USP24: variants seen among roughly 807,000 people sequenced by gnomAD.
The protein encoded by USP24 is ubiquitin specific peptidase 24.
Under a neutral mutation model 361.6 loss-of-function variants are expected in USP24, and 97 were observed. The ratio of observed to expected loss-of-function variants is 0.27; its 90% CI spans 0.23 to 0.32. The LOEUF is 0.32. Ranked by LOEUF, USP24 falls within the 10% of genes least tolerant of loss-of-function variation. USP24 has a pLI of 1.00. For missense variants in USP24, 2,353 were observed against 3,165.6 expected, an observed-to-expected ratio of 0.74 and a Z score of 6.16; for synonymous variants, 1,098 against 1,124.6, an observed-to-expected ratio of 0.98 and a Z score of 0.47.
intron 39 of USP24, 55 bp downstream of exon 39, chr1:55,110,130 T>C: frequency 2.2e-6 from 3 of 1,386,890 alleles, no homozygotes; most frequent in Non-Finnish European, 2.9e-6. Context: ...TCCGTGTGAC[T>C]TTCTCTTCTA....
rs766065386 is a variant in USP24 at position 55,123,559 on chromosome 1, C to G, written c.4164G>C (p.Leu1388=). 7 of 1,600,576 alleles carry G rather than the reference C, an allele frequency of 4.4e-6. No individual in the cohort carries two copies. Among genetic ancestry groups the G allele is most frequent in the Non-Finnish European group, 5.1e-6 (6 of 1,173,486 alleles). Reference sequence around the variant, plus strand: ...GTTGTCGAACACAGATTCCCGCATGCAGGGCTACTGGTTCTCCTTCACTTC... The same window carrying G: ...GTTGTCGAACACAGATTCCCGCATGGAGGGCTACTGGTTCTCCTTCACTTC... The part of the protein sequence containing the change: ...SSGSEGEPVA[L]HAGICVRQQS... The change falls in exon 36 of 68, where the codon CTG becomes CTC. Residue 1388 remains leucine (L), a synonymous_variant. Transcript: ENST00000294383.
At chr1:55,190,618 A>G (rs1644261807) in intron 1 of USP24, among the ~76,000 whole-genome samples, 1 of 152,232 alleles carries the variant, frequency 6.6e-6, no homozygotes, top group Non-Finnish European at 1.5e-5. Context: ...AAAAGTAACC[A>G]TTAATGGTCA....
intron 31 of USP24, among the ~76,000 whole-genome samples, chr1:55,130,814 TA>T (rs1646570366): frequency 6.6e-6 from 1 of 152,158 alleles, no homozygotes; most frequent in South Asian, 2.1e-4. Context: ...AGCAGGTAAA[TA>T]AAAGTTAATG....
At chr1:55,083,226 A>G (rs1277521307) in intron 58 of USP24, 46 bp downstream of exon 58, 1 of 1,580,404 alleles carries the variant, frequency 6.3e-7, no homozygotes, top group Admixed American at 1.7e-5. Context: ...CACAGCGGCT[A>G]TGAAAACCAT....
At chr1:55,160,886 CT>C (rs1436329673) in intron 8 of USP24, among the ~76,000 whole-genome samples, 1 of 152,150 alleles carries the variant, frequency 6.6e-6, no homozygotes, top group East Asian at 1.9e-4. Flanking sequence ...AGTCCAATCA[CT>C]TTGCCTCTTT....
chr1:55,130,569 T>G (rs552194309), intron 31 of USP24, among the ~76,000 whole-genome samples: 1 of 152,332 alleles, frequency 6.6e-6, no homozygotes, highest in African/African-American at 2.4e-5. Context: ...TAATGTGGGA[T>G]TTTGTTAAAG....
rs773555597 is a variant in USP24 at position 55,092,028 on chromosome 1, T to C, written c.6549A>G (p.Lys2183=). Residue 2183 remains lysine (K), a synonymous_variant, in exon 54 of 68, where the codon AAA becomes AAG. Coordinates refer to ENST00000294383, the MANE Select transcript of USP24 (RefSeq NM_015306.3). ...CAAAACATATCACTTCTCACCTGAG[T>C]TTCTTCTTTGTCCGTAGATAAGTTT... The part of the protein sequence containing the change: ...LFQTYLRTKK[K]LRVDTEEWIA... 1.2e-6 allele frequency: 2 copies of C among 1,607,572 alleles called. No individual in the cohort carries two copies. Among genetic ancestry groups the C allele is most frequent in the East Asian group, 2.2e-5 (1 of 44,702 alleles).
rs566192441 is a variant in USP24 at position 55,084,822 on chromosome 1, T to G, written c.6766-934A>C. 3.0e-3 allele frequency among the ~76,000 whole-genome samples: 460 copies of G among 152,294 alleles called. 5 individuals carry two copies. The highest frequency in any genetic ancestry group is 0.01 in the African/African-American group (421 of 41,572). On this transcript the variant is annotated intron_variant, in intron 56 of 67. Transcript: ENST00000294383. ...TCCAAGTGTATGGCCGCCATTCCCTTCTCTTTCTGCCGCCTGCTGTCCTGC... is the reference window on the plus strand; with the variant it reads ...TCCAAGTGTATGGCCGCCATTCCCTGCTCTTTCTGCCGCCTGCTGTCCTGC...
intron 1 of USP24, among the ~76,000 whole-genome samples, chr1:55,200,708 T>C (rs943608909): frequency 3.3e-5 from 5 of 152,240 alleles, no homozygotes; most frequent in African/African-American, 9.6e-5. Flanking sequence ...TTAATTATAC[T>C]GTGACATGTT....
At chr1:55,089,531 A>C in intron 55 of USP24, 96 bp downstream of exon 55, 1 of 815,182 alleles carries the variant, frequency 1.2e-6, no homozygotes, top group Non-Finnish European at 1.9e-6. Flanking sequence ...CAGAACAATA[A>C]TTTCAAGTTG....
chr1:55,171,984 A>G (rs1241779498), intron 4 of USP24, among the ~76,000 whole-genome samples: 1 of 152,136 alleles, frequency 6.6e-6, no homozygotes, highest in African/African-American at 2.4e-5. Context: ...TGAGGAACAG[A>G]GGCACTGAGG....
At chr1:55,196,783 A>C (rs1306243018) in intron 1 of USP24, among the ~76,000 whole-genome samples, 1 of 152,184 alleles carries the variant, frequency 6.6e-6, no homozygotes, top group Non-Finnish European at 1.5e-5. Flanking sequence ...ATTCTGACAA[A>C]AAGTTATCGT....
chr1:55,113,820 A>T (rs1646025579), intron 38 of USP24, among the ~76,000 whole-genome samples: 1 of 152,242 alleles, frequency 6.6e-6, no homozygotes, highest in Admixed American at 6.5e-5. Context: ...AATGGGCAAA[A>T]GCTGGAAGCA....
Position 55,069,097 on chromosome 1 carries a change from G to T in USP24, c.7811C>A (p.Ser2604Tyr). Reference sequence around the variant, plus strand: ...TCTCAACTCACCAATCATCATGGGAGATTCTGAACCCTGCAGAAAAGAAAA... The same window carrying T: ...TCTCAACTCACCAATCATCATGGGATATTCTGAACCCTGCAGAAAAGAAAA... ...GDRHLQQGSE[S>Y]PMMIGELRSD... The change falls in exon 68 of 68, where the codon TCT (serine) becomes TAT (tyrosine). Residue 2604 changes from serine to tyrosine, a missense_variant. Ser to Tyr is a moderately radical substitution (Grantham distance 144). This residue lies in a region of USP24 where 53 missense variants were observed against 57.7 expected (regional missense o/e 0.92). Coordinates refer to ENST00000294383, the MANE Select transcript of USP24 (RefSeq NM_015306.3). 6.2e-7 allele frequency: 1 copy of T among 1,613,988 alleles called. No homozygotes were observed. Among genetic ancestry groups the T allele is most frequent in the Non-Finnish European group, 8.5e-7 (1 of 1,179,892 alleles).
chr1:55,209,682 A>C (rs2100953268), intron 1 of USP24, among the ~76,000 whole-genome samples: 1 of 152,338 alleles, frequency 6.6e-6, no homozygotes, highest in Non-Finnish European at 1.5e-5. Flanking sequence ...TAGTGCACTT[A>C]GAGCGCTTAG....
At position 55,214,991 on chromosome 1, in the gene USP24, G is replaced by T; in HGVS notation, c.123C>A (p.Leu41=). 6.9e-7 allele frequency: 1 copy of T among 1,457,374 alleles called. No homozygotes were observed. Among genetic ancestry groups the T allele is most frequent in the Admixed American group, 2.3e-5 (1 of 42,988 alleles). The allele number at this position is 1,457,374 out of a possible 1,614,324, so 90.3% of individuals were successfully genotyped here. The change falls in exon 1 of 68, where the codon CTC becomes CTA. Residue 41 remains leucine (L), a synonymous_variant. Transcript: ENST00000294383. ...AGTCGAGGCCCGGCCGCTCGTTGGT[G>T]AGCAGTGCCACGGCCTCGTTAATGT... ...KNDINEAVAL[L]TNERPGLDYG... is the part of the protein sequence containing the mutation.
chr1:55,212,443 C>T (rs1283314780), intron 1 of USP24, among the ~76,000 whole-genome samples: 1 of 152,142 alleles, frequency 6.6e-6, no homozygotes, highest in African/African-American at 2.4e-5. Flanking sequence ...ATAATCATAT[C>T]CCTAAAAAGC....
intron 1 of USP24, among the ~76,000 whole-genome samples, chr1:55,184,963 T>A (rs920932871): frequency 6.7e-6 from 1 of 150,362 alleles, no homozygotes; most frequent in Non-Finnish European, 1.5e-5. Context: ...ATTTTTATTT[T>A]TATTTTTTTT....
chr1:55,185,953 A>G (rs1644119289), intron 1 of USP24, among the ~76,000 whole-genome samples: 2 of 152,202 alleles, frequency 1.3e-5, no homozygotes, highest in Non-Finnish European at 2.9e-5. Context: ...TAGATAACCC[A>G]GGTAAAATGA....
Sources: gnomAD v4.1 joint callset for allele counts (sites outside exome capture counted in the v4.1 genomes callset) on GRCh38, gnomAD v4.1.1 for gene constraint, gnomAD v4.1.1 regional missense constraint, MANE v1.5 for transcripts, NCBI Gene and HGNC (gene_info 2026-07-23, HGNC 2026-07-21) for gene names.